HRH1: variants seen among roughly 807,000 people sequenced by gnomAD.
HRH1 encodes histamine receptor H1.
In HRH1, 6 loss-of-function variants were observed where a neutral mutation model predicts 10.3. The ratio of observed to expected loss-of-function variants is 0.58; its 90% CI spans 0.32 to 1.15. The LOEUF (loss-of-function observed/expected upper bound fraction) is 1.15. HRH1 is among the 50% of genes most tolerant of loss of function. HRH1 has a pLI of 0.05. For missense variants in HRH1, 514 were observed against 615.3 expected, an observed-to-expected ratio of 0.84 and a Z score of 1.74; for synonymous variants, 242 against 236.7, an observed-to-expected ratio of 1.02 and a Z score of -0.21.
intron 1 of HRH1, among the ~76,000 whole-genome samples, chr3:11,207,677 T>A (rs190586352): frequency 1.3e-5 from 2 of 152,316 alleles, no homozygotes; most frequent in African/African-American, 2.4e-5. Context: ...TAGTTTCTTT[T>A]TCAATAAAAT....
intron 1 of HRH1, among the ~76,000 whole-genome samples, chr3:11,229,112 C>T (rs1427271472): frequency 1.3e-5 from 2 of 152,160 alleles, no homozygotes; most frequent in African/African-American, 4.8e-5. Flanking sequence ...TCCCTCCCTT[C>T]CTTTTTCTTC....
chr3:11,156,978 A>G (rs1190939402), intron 1 of HRH1, among the ~76,000 whole-genome samples: 1 of 152,236 alleles, frequency 6.6e-6, no homozygotes, highest in Non-Finnish European at 1.5e-5. Context: ...ACCTGTATAA[A>G]CTTCTGATAC....
intron 1 of HRH1, among the ~76,000 whole-genome samples, chr3:11,252,149 T>C (rs1003821631): frequency 3.3e-5 from 5 of 152,220 alleles, no homozygotes; most frequent in African/African-American, 1.2e-4. Flanking sequence ...TGTGAGCTTT[T>C]TGTATGAGAG....
chr3:11,210,425 T>C (rs1050482056), intron 1 of HRH1, among the ~76,000 whole-genome samples: 1 of 151,988 alleles, frequency 6.6e-6, no homozygotes, highest in Non-Finnish European at 1.5e-5. Context: ...GGGTTAATAA[T>C]CCCGACCTTG....
intron 1 of HRH1, chr3:11,252,692 T>TA (rs1939684230): frequency 6.6e-6 from 1 of 152,250 alleles, no homozygotes; most frequent in Admixed American, 6.5e-5. Flanking sequence ...CTGGCTTCTT[T>TA]AAAGGCAGTA....
intron 1 of HRH1, among the ~76,000 whole-genome samples, chr3:11,144,475 A>ATATAGACACGTCTATAGG (rs1559249815): frequency 1.7e-5 from 1 of 59,136 alleles, no homozygotes; most frequent in African/African-American, 5.3e-5. Context: ...ACATATAGAC[A>ATATAGACACGTCTATAGG]TATATATACA....
At chr3:11,230,244 G>A (rs1559279519) in intron 1 of HRH1, among the ~76,000 whole-genome samples, 1 of 152,224 alleles carries the variant, frequency 6.6e-6, no homozygotes, top group Non-Finnish European at 1.5e-5. Flanking sequence ...GGTAGTGAAA[G>A]TACTGGGCGT....
chr3:11,235,338 TCTG>T (rs1216082584), intron 1 of HRH1, among the ~76,000 whole-genome samples: 1 of 152,244 alleles, frequency 6.6e-6, no homozygotes, highest in Non-Finnish European at 1.5e-5. Context: ...TCCTGATTTA[TCTG>T]CTTTTGACTG....
intron 1 of HRH1, among the ~76,000 whole-genome samples, chr3:11,186,384 T>C (rs921281606): frequency 4.6e-5 from 7 of 152,210 alleles, no homozygotes; most frequent in African/African-American, 1.7e-4. Context: ...ACCACAGCTT[T>C]TACCATTGCA....
At chr3:11,235,317 AT>A (rs1559280998) in intron 1 of HRH1, among the ~76,000 whole-genome samples, 1 of 152,214 alleles carries the variant, frequency 6.6e-6, no homozygotes, top group African/African-American at 2.4e-5. Context: ...ACCTAGGATC[AT>A]ATTTAAATCT....
At chr3:11,170,910 C>A (rs1219801657) in intron 1 of HRH1, among the ~76,000 whole-genome samples, 1 of 152,084 alleles carries the variant, frequency 6.6e-6, no homozygotes, top group East Asian at 1.9e-4. Flanking sequence ...TAAAGTCAAG[C>A]ATGAAGTCAA....
chr3:11,185,075 T>C (rs1303171078), intron 1 of HRH1, among the ~76,000 whole-genome samples: 1 of 151,372 alleles, frequency 6.6e-6, no homozygotes, highest in African/African-American at 2.4e-5. Context: ...CTTCCCATTG[T>C]ATCATGGGCC....
chr3:11,138,857 T>C (rs1270320551), intron 1 of HRH1, among the ~76,000 whole-genome samples: 1 of 151,946 alleles, frequency 6.6e-6, no homozygotes, highest in Non-Finnish European at 1.5e-5. Context: ...TCATTTTTTA[T>C]AGAGACAGGG....
chr3:11,212,846 G>A (rs116107333), intron 1 of HRH1, among the ~76,000 whole-genome samples: 5,170 of 89,022 alleles, frequency 0.058, 133 homozygotes, highest in Non-Finnish European at 0.12. Flanking sequence ...TCTAACCCCT[G>A]TCACCTAAGT....
Position 11,259,125 on chromosome 3 carries a change from C to T in HRH1, c.88C>T (p.Leu30=). The change falls in exon 2 of 2, where the codon CTG becomes TTG. Residue 30 remains leucine (L), a synonymous_variant. Coordinates refer to ENST00000431010, the MANE Select transcript of HRH1 (RefSeq NM_001098212.2). This position sits in a 1 kb window ranked among gnomAD's most constrained non-coding sequence, Gnocchi z 4.6. ...TATGGCCAGCCCCCAGCTGATGCCC[C>T]TGGTGGTGGTCCTGAGCACTATCTG... is the stretch of plus-strand genomic sequence containing the variant. The part of the protein sequence containing the change: ...TTMASPQLMP[L]VVVLSTICLV... 2 of 1,614,208 alleles carry T rather than the reference C, an allele frequency of 1.2e-6. No homozygotes were observed. Among genetic ancestry groups the T allele is most frequent in the South Asian group, 2.2e-5 (2 of 91,082 alleles).
intron 1 of HRH1, among the ~76,000 whole-genome samples, chr3:11,208,625 C>T (rs1414521366): frequency 6.6e-6 from 1 of 152,252 alleles, no homozygotes; most frequent in Non-Finnish European, 1.5e-5. Flanking sequence ...CACACCCATA[C>T]ATACGATGTT....
Position 11,259,154 on chromosome 3 carries a change from GGTCAC to G in HRH1, c.118_122del (p.Val40SerfsTer14). On this transcript the variant is annotated frameshift_variant, in exon 2 of 2. Transcript: ENST00000431010. LOFTEE classifies it low-confidence loss of function (END_TRUNC). This position sits in a 1 kb window ranked among gnomAD's most constrained non-coding sequence, Gnocchi z 4.6. Reference sequence around the variant, plus strand: ...TGGTGGTCCTGAGCACTATCTGCTTGGTCACAGTAGGGCTCAACCTGCTGGTGCTG... The same window carrying G: ...TGGTGGTCCTGAGCACTATCTGCTTGAGTAGGGCTCAACCTGCTGGTGCTG... 6.2e-7 allele frequency: 1 copy of G among 1,613,996 alleles called. No individual in the cohort carries two copies. Among genetic ancestry groups the G allele is most frequent in the Non-Finnish European group, 8.5e-7 (1 of 1,180,022 alleles).
intron 1 of HRH1, among the ~76,000 whole-genome samples, chr3:11,214,024 G>A (rs1447308835): frequency 1.3e-5 from 2 of 152,160 alleles, no homozygotes; most frequent in Non-Finnish European, 2.9e-5. Context: ...GTCTCAGGGG[G>A]TCAGCGTGGG....
chr3:11,253,722 G>T (rs1286738575), intron 1 of HRH1, among the ~76,000 whole-genome samples: 1 of 152,130 alleles, frequency 6.6e-6, no homozygotes, highest in Non-Finnish European at 1.5e-5. Context: ...ATGTTCAGCC[G>T]CTGGAACGTT....
Sources: allele counts gnomAD v4.1 joint callset (sites outside exome capture counted in the v4.1 genomes callset), GRCh38; gene constraint gnomAD v4.1.1; non-coding constraint Gnocchi (gnomAD v3.1); transcripts MANE v1.5; gene names NCBI Gene and HGNC (gene_info 2026-07-23, HGNC 2026-07-21).